Variants in TTC28 observed in about 807,000 individuals in gnomAD.
The protein encoded by TTC28 is tetratricopeptide repeat protein 28.
TTC28 carries 61 observed loss-of-function variants against 198.0 expected under a neutral mutation model. The observed-to-expected ratio is 0.31, with a 90% confidence interval of 0.25 to 0.38. TTC28 has a LOEUF of 0.38. TTC28 is among the 10% of genes least tolerant of loss of function. The probability of loss-of-function intolerance (pLI) is 1.00; values close to 1 mark genes in which losing one functional copy is unlikely to be tolerated. For synonymous variants in TTC28, 1,171 were observed against 1,297.8 expected, an observed-to-expected ratio of 0.90 and a Z score of 2.10; for missense variants, 2,678 against 3,164.0, an observed-to-expected ratio of 0.85 and a Z score of 3.69.
chr22:28,642,204 TTTGA>T (rs959864511), intron 1 of TTC28, among the ~76,000 whole-genome samples: 1 of 149,472 alleles, frequency 6.7e-6, no homozygotes, highest in Non-Finnish European at 1.5e-5. Flanking sequence ...CATTTTTAAA[TTTGA>T]TTAATAAAAA....
At chr22:28,534,685 T>C (rs1277679579) in intron 2 of TTC28, among the ~76,000 whole-genome samples, 1 of 152,176 alleles carries the variant, frequency 6.6e-6, no homozygotes, top group Non-Finnish European at 1.5e-5. Flanking sequence ...AATGATAGAC[T>C]TGATTAAGAA....
intron 1 of TTC28, among the ~76,000 whole-genome samples, chr22:28,642,320 G>C (rs1335791581): frequency 6.6e-6 from 1 of 151,802 alleles, no homozygotes; most frequent in Non-Finnish European, 1.5e-5. Context: ...ACTTAGGTTA[G>C]GCAAAGATTT....
intron 5 of TTC28, among the ~76,000 whole-genome samples, chr22:28,281,990 T>C (rs961321150): frequency 6.6e-5 from 10 of 152,194 alleles, no homozygotes; most frequent in Middle Eastern, 3.2e-3. Context: ...GATTCCTCAA[T>C]CAATAAGGCT....
At chr22:28,454,631 C>T (rs1306448747) in intron 2 of TTC28, among the ~76,000 whole-genome samples, 2 of 152,134 alleles carry the variant, frequency 1.3e-5, no homozygotes, top group Non-Finnish European at 2.9e-5. Flanking sequence ...TCTTTTATTG[C>T]AAGAACTCCA....
intron 5 of TTC28, among the ~76,000 whole-genome samples, chr22:28,209,873 G>A (rs540590442): frequency 6.6e-6 from 1 of 152,312 alleles, no homozygotes; most frequent in African/African-American, 2.4e-5. Context: ...TAGTCTAACT[G>A]AGAGACACCT....
Position 28,238,391 on chromosome 22 carries a change from A to G in TTC28, c.933+57807T>C, listed in dbSNP as rs143230251. ...CATCCAGTCATTTTTCATTTCTGAA[A>G]TTGTATTTTTCCAATCCAGAAGTTT... is the stretch of plus-strand genomic sequence containing the variant. On this transcript the variant is annotated intron_variant, in intron 5 of 22. Coordinates refer to ENST00000397906, the MANE Select transcript of TTC28 (RefSeq NM_001145418.2). Among the ~76,000 whole-genome samples, 151 of 152,180 alleles carry G rather than the reference A, an allele frequency of 9.9e-4. 2 individuals carry two copies. Among genetic ancestry groups the G allele is most frequent in the African/African-American group, 3.3e-3 (138 of 41,544 alleles).
intron 6 of TTC28, among the ~76,000 whole-genome samples, chr22:28,151,065 C>T (rs1190360893): frequency 6.6e-6 from 1 of 152,152 alleles, no homozygotes; most frequent in African/African-American, 2.4e-5. Context: ...GACTCATAAA[C>T]CTATTCAGCC....
rs2045643572 is a variant in TTC28 at position 28,333,168 on chromosome 22, T to C, written c.382-26525A>G. Among the ~76,000 whole-genome samples the C allele has an allele frequency of 2.0e-5, 3 of 152,086 alleles. No homozygotes were observed. The South Asian group carries it at 6.2e-4, about 31-fold the overall frequency. The stretch of plus-strand genomic sequence containing the variant: ...AGAACCGATTTAGTCTATTTCAAAA[T>C]CATTCAGATTTTCTTTTGCTTATTT... On this transcript the variant is annotated intron_variant, in intron 2 of 22. Coordinates refer to ENST00000397906, the MANE Select transcript of TTC28 (RefSeq NM_001145418.2).
intron 1 of TTC28, among the ~76,000 whole-genome samples, chr22:28,644,321 C>T (rs2051419700): frequency 6.6e-6 from 1 of 150,516 alleles, no homozygotes; most frequent in Admixed American, 6.7e-5. Context: ...ATGGCATGAA[C>T]CCAGGAGGCG....
intron 2 of TTC28, among the ~76,000 whole-genome samples, chr22:28,309,138 G>A (rs1295707077): frequency 2.0e-5 from 3 of 152,130 alleles, no homozygotes; most frequent in Non-Finnish European, 2.9e-5. Flanking sequence ...AAAGAGTTAA[G>A]CACCCAACGA....
chr22:28,596,786 A>C (rs933025023), intron 2 of TTC28, among the ~76,000 whole-genome samples: 1 of 152,234 alleles, frequency 6.6e-6, no homozygotes, highest in South Asian at 2.1e-4. Flanking sequence ...ATCTCCAAAT[A>C]GCTCATGATG....
In TTC28 at chr22:28,107,556, T is replaced by G. The variant is rs889856268; in HGVS notation, c.2289A>C (p.Ala763=). The G allele has an allele frequency of 1.3e-6, 2 of 1,551,870 alleles. No homozygotes were observed. Among genetic ancestry groups the G allele is most frequent in the Middle Eastern group, 1.7e-4 (1 of 5,994 alleles). ...EASAYAALGT[A]YRMIQKYDKA... Reference sequence around the variant, plus strand: ...TGTCATACTTCTGGATCATTCGGTATGCAGTGCCCAGGGCTGCATATGCAC... The same window carrying G: ...TGTCATACTTCTGGATCATTCGGTAGGCAGTGCCCAGGGCTGCATATGCAC... Residue 763 remains alanine, a synonymous_variant, in exon 7 of 23, where the codon GCA becomes GCC. Transcript: ENST00000397906.
chr22:28,492,125 C>G (rs112093897), intron 2 of TTC28, among the ~76,000 whole-genome samples: 23 of 132,852 alleles, frequency 1.7e-4, no homozygotes, highest in Admixed American at 1.3e-3. Flanking sequence ...TGGGGGGGAG[C>G]GGGGAGGGAT....
intron 2 of TTC28, among the ~76,000 whole-genome samples, chr22:28,356,319 C>G (rs549521476): frequency 6.6e-6 from 1 of 152,286 alleles, no homozygotes; most frequent in South Asian, 2.1e-4. Context: ...CTCCTCTATT[C>G]TATCCCTACC....
At chr22:28,369,341 T>C (rs76680910) in intron 2 of TTC28, among the ~76,000 whole-genome samples, 1 of 152,176 alleles carries the variant, frequency 6.6e-6, no homozygotes, top group African/African-American at 2.4e-5. Flanking sequence ...AAGGACAGTC[T>C]CATCAATAAA....
At chr22:28,084,560 A>G (rs1941490562) in intron 12 of TTC28, among the ~76,000 whole-genome samples, 1 of 152,212 alleles carries the variant, frequency 6.6e-6, no homozygotes, top group Admixed American at 6.5e-5. Flanking sequence ...AAAGATGGGG[A>G]AAAAACAGAG....
At chr22:28,013,876 G>A (rs1938252969) in intron 14 of TTC28, among the ~76,000 whole-genome samples, 1 of 152,168 alleles carries the variant, frequency 6.6e-6, no homozygotes, top group African/African-American at 2.4e-5. Flanking sequence ...CTGCTTAGAG[G>A]TGCACCTGCG....
At chr22:28,260,556 T>C (rs1931245662) in intron 5 of TTC28, among the ~76,000 whole-genome samples, 1 of 152,158 alleles carries the variant, frequency 6.6e-6, no homozygotes, top group Non-Finnish European at 1.5e-5. Context: ...AAAATAGAAC[T>C]CATTTTTAAC....
intron 5 of TTC28, among the ~76,000 whole-genome samples, chr22:28,175,138 A>C (rs1159381776): frequency 6.6e-6 from 1 of 152,204 alleles, no homozygotes; most frequent in African/African-American, 2.4e-5. Context: ...GGACTTAGCT[A>C]TAAAACCTGA....
Sources: gnomAD v4.1 joint callset for allele counts (sites outside exome capture counted in the v4.1 genomes callset) on GRCh38, gnomAD v4.1.1 for gene constraint, MANE v1.5 for transcripts, NCBI Gene and HGNC (gene_info 2026-07-23, HGNC 2026-07-21) for gene names.